Variants in SPSB3 observed in about 807,000 individuals in gnomAD.
SPSB3 encodes splA/ryanodine receptor domain and SOCS box containing 3.
Under a neutral mutation model 29.5 loss-of-function variants are expected in SPSB3, and 18 were observed. That is an observed-to-expected ratio of 0.61 (90% CI 0.42 to 0.91). The LOEUF is 0.91. Among genes scored for constraint, SPSB3 ranks in the 40% least tolerant of loss-of-function variants. The probability of loss-of-function intolerance (pLI) is 0.00; values close to 1 mark genes in which losing one functional copy is unlikely to be tolerated. For missense variants in SPSB3, 540 were observed against 507.5 expected, an observed-to-expected ratio of 1.06 and a Z score of -0.61; for synonymous variants, 299 against 214.1, an observed-to-expected ratio of 1.40 and a Z score of -3.46.
At chr16:1,781,545 G>A in intron 1 of SPSB3, 50 bp from the exon 2 acceptor site, 3 of 1,577,594 alleles carry the variant, frequency 1.9e-6, no homozygotes, top group Non-Finnish European at 2.6e-6. Context: ...AGCACTCCCA[G>A]CCCTGAGCTT....
intron 2 of SPSB3, 35 bp downstream of exon 2, chr16:1,781,323 G>C (rs1456029479): frequency 6.2e-7 from 1 of 1,612,812 alleles, no homozygotes; most frequent in Non-Finnish European, 8.5e-7. Context: ...CCACACCTTA[G>C]GCCAGCCACG....
At chr16:1,778,102 C>G in intron 4 of SPSB3, 32 bp downstream of exon 4, 1 of 1,612,910 alleles carries the variant, frequency 6.2e-7, no homozygotes, top group Non-Finnish European at 8.5e-7. Flanking sequence ...GAGCCAGGTT[C>G]CCCAGAAGCA....
chr16:1,777,941 C>A lies in SPSB3; in HGVS notation c.595+5G>T. 6.2e-7 allele frequency: 1 copy of A among 1,612,520 alleles called. No individual in the cohort carries two copies. Among genetic ancestry groups the A allele is most frequent in the Non-Finnish European group, 8.5e-7 (1 of 1,179,876 alleles). On this transcript the variant is annotated splice_donor_5th_base_variant and intron_variant, in intron 5 of 6. Coordinates refer to ENST00000566339, the MANE Select transcript of SPSB3 (RefSeq NM_080861.4). ...CGGCCCCGCCCCACCCTGGGCCTCA[C>A]GCACCCGTGTAGGAGAGGCCCCAGC...
chr16:1,780,940 C>T (rs566797213), intron 2 of SPSB3: 1 of 343,954 alleles, frequency 2.9e-6, no homozygotes, highest in Non-Finnish European at 5.7e-6. Context: ...ACCATGTTGC[C>T]CAGGCAGGTC....
At position 1,778,228 on chromosome 16, in the gene SPSB3, C is replaced by T; in HGVS notation, c.398G>A (p.Cys133Tyr). The T allele has an allele frequency of 1.2e-6, 2 of 1,613,008 alleles. No individual in the cohort carries two copies. Among genetic ancestry groups the T allele is most frequent in the East Asian group, 2.2e-5 (1 of 44,894 alleles). The change falls in exon 4 of 7, where the codon TGC (cysteine) becomes TAC (tyrosine). Residue 133 changes from cysteine to tyrosine, a missense_variant. Cys to Tyr is a radical substitution (Grantham distance 194). Coordinates refer to ENST00000566339, the MANE Select transcript of SPSB3 (RefSeq NM_080861.4). ...GGTGCCCCGGATGGCCGCTGTGCCG[C>T]AGCTGTACTCCATGTGGAAGCTGAC... ...RKVSFHMEYS[C>Y]GTAAIRGTKE...
At position 1,777,033 on chromosome 16, in the gene SPSB3, A is replaced by C; in HGVS notation, c.*64T>G. On this transcript the variant is annotated 3_prime_UTR_variant, in exon 7 of 7. Transcript: ENST00000566339. ...GAGTGTGGCTGGAAGGAAGGGACAG[A>C]GAAAGAAGGGACAGAGGAAAGGGGC... The C allele has an allele frequency of 6.5e-7, 1 of 1,540,676 alleles. No homozygotes were observed. Among genetic ancestry groups the C allele is most frequent in the Admixed American group, 1.8e-5 (1 of 54,802 alleles).
chr16:1,779,498 C>G (rs1166054748), intron 2 of SPSB3: 1 of 152,402 alleles, frequency 6.6e-6, no homozygotes, highest in Admixed American at 6.5e-5. Flanking sequence ...TGAACGTGGA[C>G]CTATCGAAAG....
At position 1,781,469 on chromosome 16, in the gene SPSB3, G is replaced by T; in HGVS notation, c.15C>A (p.Pro5=). MARR[P]RNSRAWHFVL... ...CGAAGTGCCAGGCCCTGCTGTTCCG[G>T]GGGCGTCTGGCCATGGTGGAAAGAA... Residue 5 remains proline, a synonymous_variant, in exon 2 of 7, where the codon CCC becomes CCA. Transcript: ENST00000566339. The T allele has an allele frequency of 6.2e-7, 1 of 1,612,578 alleles. No homozygotes were observed. The highest frequency in any genetic ancestry group is 1.3e-5 in the African/African-American group (1 of 75,036).
At position 1,776,900 on chromosome 16, in the gene SPSB3, A is replaced by G. The variant is rs117713814; in HGVS notation, c.*197T>C. The G allele has an allele frequency of 2.5e-5, 16 of 651,318 alleles. No homozygotes were observed. Among genetic ancestry groups the G allele is most frequent in the Non-Finnish European group, 3.6e-5 (14 of 390,920 alleles). The allele number at this position is 651,318 out of a possible 1,614,324, so 40.3% of individuals were successfully genotyped here. ...TGGGGCTCAGGGCAGCCGCTTCCCC[A>G]CCCAGCACAGCAGCAGAGGGGCCCT... On this transcript the variant is annotated 3_prime_UTR_variant, in exon 7 of 7. Coordinates refer to ENST00000566339, the MANE Select transcript of SPSB3 (RefSeq NM_080861.4).
Position 1,777,020 on chromosome 16 carries a change from A to G in SPSB3, c.*77T>C. The G allele has an allele frequency of 1.3e-6, 2 of 1,502,942 alleles. No homozygotes were observed. The highest frequency in any genetic ancestry group is 9.0e-7 in the Non-Finnish European group (1 of 1,109,872). The allele number at this position is 1,502,942 out of a possible 1,614,324, so 93.1% of individuals were successfully genotyped here. A position where few individuals can be genotyped will look rare whatever the true frequency, so the allele number is the denominator to read the frequency against. On this transcript the variant is annotated 3_prime_UTR_variant, in exon 7 of 7. Transcript: ENST00000566339. ...CAACTCCGCCCTGGAGTGTGGCTGG[A>G]AGGAAGGGACAGAGAAAGAAGGGAC...
chr16:1,778,259 G>A lies in SPSB3; in HGVS notation c.367C>T (p.Arg123Cys), dbSNP rs1254735508. Residue 123 changes from arginine (R) to cysteine (C), a missense_variant, in exon 4 of 7, where the codon CGT (arginine) becomes TGT (cysteine). Arg to Cys is a radical substitution (Grantham distance 180). Coordinates refer to ENST00000566339, the MANE Select transcript of SPSB3 (RefSeq NM_080861.4). ...SSATLLSCDN[R>C]KVSFHMEYSC... ...TACTCCATGTGGAAGCTGACCTTAC[G>A]GTTGTCACAGCTCAGCAGGGTGGCT... The A allele has an allele frequency of 2.5e-6, 4 of 1,612,870 alleles. No homozygotes were observed. The highest frequency in any genetic ancestry group is 3.4e-6 in the Non-Finnish European group (4 of 1,179,992).
intron 2 of SPSB3, 111 bp from the exon 3 acceptor site, chr16:1,778,723 G>A (rs551768410): frequency 3.2e-6 from 4 of 1,254,868 alleles, no homozygotes; most frequent in Non-Finnish European, 4.3e-6. Context: ...AAGGATGGGG[G>A]TCCAGGCCTC....
intron 1 of SPSB3, 72 bp downstream of exon 1, chr16:1,782,430 G>A (rs1419113625): frequency 6.6e-6 from 1 of 152,002 alleles, no homozygotes; most frequent in Non-Finnish European, 1.5e-5. Context: ...TGGCCGCGCT[G>A]CTACCGCCGC....
At chr16:1,779,340 G>A (rs1008386176) in intron 2 of SPSB3, 4 of 152,580 alleles carry the variant, frequency 2.6e-5, no homozygotes, top group African/African-American at 9.6e-5. Context: ...AATGGACCAG[G>A]GGGTCAGCAG....
At position 1,781,515 on chromosome 16, in the gene SPSB3, C is replaced by T; in HGVS notation, c.-12-20G>A. ...AAGAATCTAGAAGAAAACACAGGCT[C>T]TGGGCAAAGGAAGACTCACAGCACT... is the stretch of plus-strand genomic sequence containing the variant. On this transcript the variant is annotated intron_variant, in intron 1 of 6. Coordinates refer to ENST00000566339, the MANE Select transcript of SPSB3 (RefSeq NM_080861.4). 6.2e-7 allele frequency: 1 copy of T among 1,607,206 alleles called. No homozygotes were observed. Among genetic ancestry groups the T allele is most frequent in the East Asian group, 2.2e-5 (1 of 44,786 alleles).
rs201038536 is a variant in SPSB3 at position 1,777,290 on chromosome 16, G to C, written c.875C>G (p.Ser292Trp). 1 of 1,610,330 alleles carries C rather than the reference G, an allele frequency of 6.2e-7. No individual in the cohort carries two copies. Among genetic ancestry groups the C allele is most frequent in the Non-Finnish European group, 8.5e-7 (1 of 1,179,798 alleles). ...CHRLRQLRPD[S>W]GDTLEGLPLP... is the part of the protein sequence containing the mutation. ...CGGCAGACCCTCCAGCGTGTCTCCC[G>C]AGTCTGGCCGCAGCTGGCGCAGGCG... is the stretch of plus-strand genomic sequence containing the variant. The change falls in exon 7 of 7, where the codon TCG becomes TGG. Residue 292 changes from serine to tryptophan, a missense_variant. Transcript: ENST00000566339.
chr16:1,778,796 C>T, intron 2 of SPSB3, 184 bp from the exon 3 acceptor site: 1 of 588,700 alleles, frequency 1.7e-6, no homozygotes, highest in Non-Finnish European at 2.8e-6. Flanking sequence ...TCCGGCTCTG[C>T]CCCATTCTGC....
chr16:1,778,057 A>C lies in SPSB3; in HGVS notation c.493-9T>G. The C allele has an allele frequency of 6.2e-7, 1 of 1,612,756 alleles. No individual in the cohort carries two copies. The highest frequency in any genetic ancestry group is 8.5e-7 in the Non-Finnish European group (1 of 1,179,756). Reference sequence around the variant, plus strand: ...GTCCCGATGCCCACCATCTAGGAACAGGGGCCAGGCAGAGGGCGCGGGGCT... The same window carrying C: ...GTCCCGATGCCCACCATCTAGGAACCGGGGCCAGGCAGAGGGCGCGGGGCT... On this transcript the variant is annotated splice_polypyrimidine_tract_variant and intron_variant, in intron 4 of 6. Coordinates refer to ENST00000566339, the MANE Select transcript of SPSB3 (RefSeq NM_080861.4).
At chr16:1,781,736 A>G in intron 1 of SPSB3, 1 of 537,418 alleles carries the variant, frequency 1.9e-6, no homozygotes, top group Non-Finnish European at 3.3e-6. Context: ...TGCGAATCCC[A>G]GCCCCTCTCT....
Sources: allele counts gnomAD v4.1 joint callset, GRCh38; gene constraint gnomAD v4.1.1; transcripts MANE v1.5; gene names NCBI Gene and HGNC (gene_info 2026-07-23, HGNC 2026-07-21).